The following MYZAP variants were observed in gnomAD, a reference collection of about 807,000 sequenced individuals.
MYZAP encodes GRINL1A complex locus upstream.
In MYZAP, 66 loss-of-function variants were observed where a neutral mutation model predicts 69.4. The ratio of observed to expected loss-of-function variants is 0.95; its 90% confidence interval spans 0.78 to 1.17. The LOEUF is 1.17. Among genes scored for constraint, MYZAP ranks in the 50% most tolerant of loss-of-function variants. The pLI is 0.00. For missense variants in MYZAP, 611 were observed against 556.2 expected (o/e 1.10, Z -0.99); for synonymous variants, 256 against 205.9 (o/e 1.24, Z -2.09).
rs2037589566 is a variant in MYZAP at position 57,648,944 on chromosome 15, T to C, written c.1119+9399T>C. Among the ~76,000 whole-genome samples the C allele has an allele frequency of 2.6e-5, 4 of 151,670 alleles. No homozygotes were observed. In the South Asian group the frequency reaches 8.3e-4, roughly 31 times the overall value. ...TGCCTTGATGATTTTACTGTGTATA[T>C]ATATATATAAAATTAGTATGTGGCT... On this transcript the variant is annotated intron_variant, in intron 10 of 12. Coordinates refer to ENST00000267853, the MANE Select transcript of MYZAP (RefSeq NM_001018100.5).
Position 57,639,629 on chromosome 15 carries a change from C to T in MYZAP, c.1119+84C>T. 8.1e-6 allele frequency: 12 copies of T among 1,484,428 alleles called. 1 individual carries two copies. In the South Asian group the frequency reaches 1.5e-4, roughly 19 times the overall value. The allele number at this position is 1,484,428 out of a possible 1,614,324, so 92.0% of individuals were successfully genotyped here. A position where few individuals can be genotyped will look rare whatever the true frequency, so the allele number is the denominator to read the frequency against. On this transcript the variant is annotated intron_variant, in intron 10 of 12. Transcript: ENST00000267853. ...CCAGAACAAGTCTGCCTTGCCCCTC[C>T]ATTTCCTGTGGCTCACAAGCCGAGG...
chr15:57,676,634 C>G (rs1370621346), intron 12 of MYZAP, among the ~76,000 whole-genome samples: 1 of 152,062 alleles, frequency 6.6e-6, no homozygotes, highest in Non-Finnish European at 1.5e-5. Flanking sequence ...CTAGTCCACT[C>G]TAATTGCCCA....
chr15:57,659,841 C>A (rs1275346223), intron 10 of MYZAP, among the ~76,000 whole-genome samples: 2 of 152,130 alleles, frequency 1.3e-5, no homozygotes, highest in Non-Finnish European at 2.9e-5. Flanking sequence ...ATGTTTATTA[C>A]ATAAACCTAT....
chr15:57,675,341 C>T (rs1336633654), intron 12 of MYZAP, among the ~76,000 whole-genome samples: 2 of 152,038 alleles, frequency 1.3e-5, no homozygotes, highest in Non-Finnish European at 2.9e-5. Flanking sequence ...TCCTTCCTTC[C>T]TTCATTCATT....
rs150587249 is a variant in MYZAP, at chr15:57,618,555, A to C, written c.318+367A>C. On this transcript the variant is annotated intron_variant, in intron 3 of 12. Coordinates refer to ENST00000267853, the MANE Select transcript of MYZAP (RefSeq NM_001018100.5). ...AGGAAGACTGTGGGTGATTCAGATC[A>C]ATCAGTTGGGTTGAAACAAATGCTA... Among the ~76,000 whole-genome samples the C allele has an allele frequency of 2.0e-3, 309 of 152,336 alleles. 3 individuals are homozygous for C. The highest frequency in any genetic ancestry group is 7.1e-3 in the African/African-American group (295 of 41,574).
At chr15:57,683,467 C>A (rs1206919262) in intron 12 of MYZAP, among the ~76,000 whole-genome samples, 2 of 152,152 alleles carry the variant, frequency 1.3e-5, no homozygotes, top group Admixed American at 1.3e-4. Flanking sequence ...ATGTACATAT[C>A]TTTCCCACCA....
chr15:57,676,816 C>A (rs2039161167), intron 12 of MYZAP, among the ~76,000 whole-genome samples: 2 of 152,128 alleles, frequency 1.3e-5, no homozygotes, highest in South Asian at 4.1e-4. Context: ...AAGCGGTTTT[C>A]ATAATGGAAG....
At chr15:57,675,139 C>A in intron 12 of MYZAP, 71 bp downstream of exon 12, 2 of 1,318,434 alleles carry the variant, frequency 1.5e-6, no homozygotes, top group Non-Finnish European at 2.1e-6. Context: ...CTTTACTAGG[C>A]TGTTCTTAGC....
At chr15:57,677,941 C>T (rs1436773713) in intron 12 of MYZAP, among the ~76,000 whole-genome samples, 2 of 150,756 alleles carry the variant, frequency 1.3e-5, no homozygotes, top group Non-Finnish European at 2.9e-5. Flanking sequence ...TGGTGGGTCA[C>T]ACCTGTATTG....
chr15:57,653,630 C>T (rs535843091), intron 10 of MYZAP, among the ~76,000 whole-genome samples: 1 of 152,196 alleles, frequency 6.6e-6, no homozygotes, highest in African/African-American at 2.4e-5. Context: ...AGGCCACATG[C>T]AATTGAGGGC....
chr15:57,603,560 C>G (rs761035208), intron 1 of MYZAP, among the ~76,000 whole-genome samples: 2 of 152,202 alleles, frequency 1.3e-5, no homozygotes, highest in African/African-American at 4.8e-5. Flanking sequence ...CTCCTGGTAC[C>G]TCATCTAAGT....
chr15:57,651,991 T>G (rs2037751548), intron 10 of MYZAP, among the ~76,000 whole-genome samples: 1 of 152,180 alleles, frequency 6.6e-6, no homozygotes, highest in South Asian at 2.1e-4. Flanking sequence ...CAACCGATCC[T>G]TTTGAATGGT....
chr15:57,632,352 C>G (rs961085814), intron 6 of MYZAP, 82 bp from the exon 7 acceptor site: 1 of 1,589,162 alleles, frequency 6.3e-7, no homozygotes, highest in East Asian at 2.2e-5. Flanking sequence ...CTCTGTGAGT[C>G]CCCACATGAA....
At chr15:57,625,929 G>A (rs762090623) in intron 5 of MYZAP, 37 bp downstream of exon 5, 134 of 1,585,340 alleles carry the variant, frequency 8.5e-5, no homozygotes, top group Non-Finnish European at 1.1e-4. Context: ...GGGCAACCCA[G>A]CTTAATCAAG....
intron 1 of MYZAP, among the ~76,000 whole-genome samples, chr15:57,599,874 ATGTCCCCC>A (rs1473050897): frequency 6.6e-6 from 1 of 152,134 alleles, no homozygotes; most frequent in Admixed American, 6.6e-5. Flanking sequence ...GACCTTTAGA[ATGTCCCCC>A]TTGCTGCTCC....
rs561682165 is a variant in MYZAP at position 57,618,208 on chromosome 15, T to C, written c.318+20T>C. ...AAAGATGTGAGCCATTTAAGAGTTT[T>C]TGCCCCCCACCTGTATTCTTTTTGT... On this transcript the variant is annotated intron_variant, in intron 3 of 12. Transcript: ENST00000267853. 51 of 1,611,328 alleles carry C rather than the reference T, an allele frequency of 3.2e-5. 1 individual carries two copies. The South Asian group carries it at 5.5e-4, about 17-fold the overall frequency.
Position 57,646,237 on chromosome 15 carries a change from G to A in MYZAP, c.1119+6692G>A, listed in dbSNP as rs1225201169. On this transcript the variant is annotated intron_variant, in intron 10 of 12. Transcript: ENST00000267853. ...GTTGGAAGCGATTCCTTTATTGTTC[G>A]TGATTAGAAGAACACTTGTACACTC... 4.7e-5 allele frequency: 60 copies of A among 1,288,896 alleles called. No individual in the cohort carries two copies. In the East Asian group the frequency reaches 6.7e-4, roughly 14 times the overall value. 79.8% of individuals were successfully genotyped at this position (1,288,896 alleles called of 1,614,324 possible).
intron 10 of MYZAP, among the ~76,000 whole-genome samples, chr15:57,648,954 A>ATAT (rs1567227292): frequency 2.0e-5 from 3 of 150,776 alleles, no homozygotes; most frequent in African/African-American, 4.9e-5. Flanking sequence ...TATATATATA[A>ATAT]AATTAGTATG....
At chr15:57,675,192 G>A (rs2039059236) in intron 12 of MYZAP, 124 bp downstream of exon 12, 4 of 903,896 alleles carry the variant, frequency 4.4e-6, no homozygotes, top group Non-Finnish European at 6.6e-6. Context: ...GCAAAGCCGA[G>A]TGGTGGCTGC....
Sources: gnomAD v4.1 joint callset for allele counts (sites outside exome capture counted in the v4.1 genomes callset) on GRCh38, gnomAD v4.1.1 for gene constraint, MANE v1.5 for transcripts, NCBI Gene and HGNC (gene_info 2026-07-23, HGNC 2026-07-21) for gene names.